Variants in SORCS3 observed in about 807,000 individuals in gnomAD.
SORCS3 encodes the protein sortilin related VPS10 domain containing receptor 3, also known as VPS10 domain-containing receptor SorCS3.
SORCS3 carries 57 observed loss-of-function variants against 146.3 expected under a neutral mutation model. The ratio of observed to expected loss-of-function variants is 0.39; its 90% CI spans 0.31 to 0.49. The LOEUF is 0.49. SORCS3 is among the 20% of genes least tolerant of loss of function. The pLI, the probability that SORCS3 is intolerant of heterozygous loss-of-function variation, is 0.92. For synonymous variants in SORCS3, 653 were observed against 618.5 expected (o/e 1.06, Z -0.83); for missense variants, 1,341 against 1,575.5 (o/e 0.85, Z 2.52).
intron 9 of SORCS3, among the ~76,000 whole-genome samples, chr10:105,151,619 A>G (rs2056168116): frequency 6.6e-6 from 1 of 152,046 alleles, no homozygotes; most frequent in African/African-American, 2.4e-5. Flanking sequence ...CTTCTTGGTA[A>G]TGGAGAGGAG....
intron 1 of SORCS3, among the ~76,000 whole-genome samples, chr10:104,739,913 A>G (rs868248603): frequency 6.6e-6 from 1 of 152,216 alleles, no homozygotes. Context: ...TGTGTATTCA[A>G]CCACCAAACA....
At chr10:104,720,284 T>G (rs2016530927) in intron 1 of SORCS3, among the ~76,000 whole-genome samples, 1 of 152,244 alleles carries the variant, frequency 6.6e-6, no homozygotes, top group African/African-American at 2.4e-5. Context: ...GCTTCATTCA[T>G]GTCCCTACAA....
chr10:105,102,356 G>A (rs1047705373), intron 6 of SORCS3, among the ~76,000 whole-genome samples: 15 of 152,136 alleles, frequency 9.9e-5, no homozygotes, highest in African/African-American at 3.4e-4. Context: ...CCATAAAAAA[G>A]AATGAGATCA....
chr10:104,653,481 C>A (rs1564651828), intron 1 of SORCS3, among the ~76,000 whole-genome samples: 1 of 152,064 alleles, frequency 6.6e-6, no homozygotes, highest in Non-Finnish European at 1.5e-5. Context: ...TTTCATTTTT[C>A]TGTGGCATAT....
intron 1 of SORCS3, among the ~76,000 whole-genome samples, chr10:104,759,495 A>G (rs1013376815): frequency 1.3e-5 from 2 of 152,202 alleles, no homozygotes; most frequent in Admixed American, 1.3e-4. Flanking sequence ...CCATTCCAAC[A>G]GAACAGGGGA....
intron 14 of SORCS3, among the ~76,000 whole-genome samples, chr10:105,196,627 T>C (rs1439502653): frequency 2.0e-5 from 3 of 151,968 alleles, no homozygotes; most frequent in African/African-American, 4.8e-5. Context: ...AAAAGAAAGT[T>C]CTCTCACATT....
intron 1 of SORCS3, among the ~76,000 whole-genome samples, chr10:104,681,854 G>C (rs963302271): frequency 6.6e-6 from 1 of 152,126 alleles, no homozygotes; most frequent in African/African-American, 2.4e-5. Context: ...TTACTTAAAT[G>C]TGTCTTCTCA....
At chr10:105,241,206 G>A (rs1039521935) in intron 20 of SORCS3, among the ~76,000 whole-genome samples, 6 of 152,104 alleles carry the variant, frequency 3.9e-5, no homozygotes, top group South Asian at 2.1e-4. Flanking sequence ...CACTGAACTC[G>A]CAGCAGTGGT....
chr10:104,928,492 CAA>C (rs1310386338), intron 3 of SORCS3, among the ~76,000 whole-genome samples: 2 of 151,900 alleles, frequency 1.3e-5, no homozygotes, highest in Non-Finnish European at 2.9e-5. Context: ...ATATCTGTAA[CAA>C]ATACAATCAC....
chr10:105,028,837 G>C (rs557584327), intron 4 of SORCS3, among the ~76,000 whole-genome samples: 1 of 152,244 alleles, frequency 6.6e-6, no homozygotes, highest in East Asian at 1.9e-4. Flanking sequence ...ACCAAGCCAG[G>C]AGGCACTCAG....
Position 104,721,191 on chromosome 10 carries a change from A to G in SORCS3, c.627+79237A>G, listed in dbSNP as rs548143643. Among the ~76,000 whole-genome samples, 520 of 152,316 alleles carry G rather than the reference A, an allele frequency of 3.4e-3. 1 individual carries two copies. The highest frequency in any genetic ancestry group is 0.012 in the African/African-American group (500 of 41,566). The stretch of plus-strand genomic sequence containing the variant: ...AAGGGATCCAGTTTCAGCTTTCTAC[A>G]TATGGCTAGCCAGTTTTCCCAGCAC... On this transcript the variant is annotated intron_variant, in intron 1 of 26. Transcript: ENST00000369701.
chr10:104,824,374 A>T (rs776034917), intron 1 of SORCS3, among the ~76,000 whole-genome samples: 62 of 152,182 alleles, frequency 4.1e-4, no homozygotes, highest in Non-Finnish European at 8.8e-5. Flanking sequence ...GAAGTTGTAT[A>T]AGCATGTATC....
At chr10:105,060,861 C>T (rs188114759) in intron 5 of SORCS3, among the ~76,000 whole-genome samples, 27 of 151,788 alleles carry the variant, frequency 1.8e-4, no homozygotes, top group South Asian at 1.0e-3. Flanking sequence ...CCCTTCAACC[C>T]GGGAGGCGGA....
intron 5 of SORCS3, among the ~76,000 whole-genome samples, chr10:105,063,672 G>A (rs932745726): frequency 2.6e-5 from 4 of 152,146 alleles, no homozygotes; most frequent in Admixed American, 6.5e-5. Context: ...AATTGTTTGG[G>A]CCTTGCAAGG....
At chr10:104,946,584 A>T (rs2019373384) in intron 3 of SORCS3, among the ~76,000 whole-genome samples, 1 of 152,174 alleles carries the variant, frequency 6.6e-6, no homozygotes, top group African/African-American at 2.4e-5. Context: ...TCCTGCTTTG[A>T]CATGAAGTTG....
At chr10:105,102,476 A>G (rs1379255128) in intron 6 of SORCS3, among the ~76,000 whole-genome samples, 2 of 152,196 alleles carry the variant, frequency 1.3e-5, no homozygotes, top group Non-Finnish European at 1.5e-5. Flanking sequence ...GGAGCTAAAC[A>G]TTGAGTACAT....
intron 1 of SORCS3, among the ~76,000 whole-genome samples, chr10:104,799,931 C>T (rs1006900988): frequency 6.6e-6 from 1 of 152,036 alleles, no homozygotes; most frequent in African/African-American, 2.4e-5. Flanking sequence ...CCGCCTCAGC[C>T]TCTCAAAGTG....
chr10:105,089,146 A>G (rs970522211), intron 5 of SORCS3, among the ~76,000 whole-genome samples: 1 of 152,222 alleles, frequency 6.6e-6, no homozygotes, highest in African/African-American at 2.4e-5. Flanking sequence ...GGTGTTGGCC[A>G]GAGAGACCTT....
intron 3 of SORCS3, among the ~76,000 whole-genome samples, chr10:104,938,489 C>T (rs1409974356): frequency 6.6e-6 from 1 of 152,062 alleles, no homozygotes; most frequent in South Asian, 2.1e-4. Context: ...AATTTAGATT[C>T]CCCATGTTTC....
Sources: gnomAD v4.1 joint callset for allele counts (sites outside exome capture counted in the v4.1 genomes callset) on GRCh38, gnomAD v4.1.1 for gene constraint, MANE v1.5 for transcripts, NCBI Gene and HGNC (gene_info 2026-07-23, HGNC 2026-07-21) for gene names.